HDAC4: variants seen among roughly 807,000 people sequenced by gnomAD.
HDAC4 encodes the protein histone deacetylase 4.
HDAC4 carries 16 observed loss-of-function variants against 135.1 expected under a neutral mutation model. The observed-to-expected ratio is 0.12, with a 90% CI of 0.08 to 0.18. HDAC4 has a LOEUF of 0.18. HDAC4 is among the 10% of genes least tolerant of loss of function. The pLI is 1.00. For missense variants in HDAC4, 1,143 were observed against 1,511.8 expected (o/e 0.76, Z 4.05); for synonymous variants, 685 against 653.4 (o/e 1.05, Z -0.74).
intron 2 of HDAC4, among the ~76,000 whole-genome samples, chr2:239,319,351 A>G (rs2053230768): frequency 6.6e-6 from 1 of 152,244 alleles, no homozygotes. Context: ...GCAAATGATT[A>G]AGAAAACGAA....
At chr2:239,239,730 C>T (rs1295275465) in intron 2 of HDAC4, among the ~76,000 whole-genome samples, 1 of 152,234 alleles carries the variant, frequency 6.6e-6, no homozygotes, top group Non-Finnish European at 1.5e-5. Context: ...ACCCCCAACA[C>T]TGCCATGTTC....
At position 239,053,636 on chromosome 2, in the gene HDAC4, C is replaced by G; in HGVS notation, c.3089-35G>C. 8.1e-6 allele frequency: 13 copies of G among 1,606,216 alleles called. No homozygotes were observed. In the South Asian group the frequency reaches 9.9e-5, roughly 12 times the overall value. On this transcript the variant is annotated intron_variant, in intron 25 of 26. Coordinates refer to ENST00000543185, the MANE Select transcript of HDAC4 (RefSeq NM_001378414.1). ...TGGGGTGAGGAAAGTCGCTCAGTGA[C>G]TACAACTTAGCAGGATGCACTGAGG...
intron 19 of HDAC4, among the ~76,000 whole-genome samples, chr2:239,084,762 A>C (rs1249861556): frequency 7.4e-6 from 1 of 134,744 alleles, no homozygotes; most frequent in Non-Finnish European, 1.6e-5. Flanking sequence ...ACAGACACAC[A>C]CCCCACACAC....
intron 2 of HDAC4, among the ~76,000 whole-genome samples, chr2:239,297,499 G>A (rs1388172793): frequency 1.3e-5 from 2 of 152,258 alleles, no homozygotes; most frequent in South Asian, 2.1e-4. Flanking sequence ...AGACTCTGCG[G>A]CTCCCTGGCT....
intron 13 of HDAC4, among the ~76,000 whole-genome samples, chr2:239,111,939 G>A (rs1236817829): frequency 2.0e-5 from 3 of 152,208 alleles, no homozygotes; most frequent in Non-Finnish European, 1.5e-5. Context: ...TGCCTCCCAG[G>A]ACGGTCTCTC....
intron 3 of HDAC4, among the ~76,000 whole-genome samples, chr2:239,230,073 A>C (rs1311650550): frequency 6.6e-6 from 1 of 152,024 alleles, no homozygotes; most frequent in African/African-American, 2.4e-5. Flanking sequence ...CGGGAATCTT[A>C]CTGCTGTGTC....
In HDAC4 at chr2:239,308,588, G is replaced by C. The variant is rs557116268; in HGVS notation, c.22+44090C>G. 6.6e-6 allele frequency among the ~76,000 whole-genome samples: 1 copy of C among 152,292 alleles called. No homozygotes were observed. The highest frequency in any genetic ancestry group is 2.1e-4 in the South Asian group (1 of 4,828). ...TTCCGGAACCACACTTCGTATCCAG[G>C]TGAGCTCGTTTTTTGTATTTCAAAA... On this transcript the variant is annotated intron_variant, in intron 2 of 26. Coordinates refer to ENST00000543185, the MANE Select transcript of HDAC4 (RefSeq NM_001378414.1). This position sits in a 1 kb window ranked among gnomAD's most constrained non-coding sequence, Gnocchi z 4.2.
In HDAC4 at chr2:239,221,579, G is replaced by A. The variant is rs565745871; in HGVS notation, c.94+15014C>T. ...GGCCTGGACTCAACTGTGTCACCTC[G>A]AGTTGCGCCTCAAAGTGCGCTGAGA... On this transcript the variant is annotated intron_variant, in intron 3 of 26. Transcript: ENST00000543185. 6.6e-5 allele frequency among the ~76,000 whole-genome samples: 10 copies of A among 151,802 alleles called. No individual in the cohort carries two copies. The East Asian group carries it at 7.8e-4, about 12-fold the overall frequency.
intron 2 of HDAC4, among the ~76,000 whole-genome samples, chr2:239,312,990 G>A (rs567062131): frequency 2.0e-5 from 3 of 152,340 alleles, no homozygotes; most frequent in South Asian, 2.1e-4. Context: ...ACTGGCTGCC[G>A]ACGGGAGGCA....
chr2:239,359,429 C>A (rs1412891086), intron 1 of HDAC4, among the ~76,000 whole-genome samples: 1 of 152,232 alleles, frequency 6.6e-6, no homozygotes, highest in Non-Finnish European at 1.5e-5. Context: ...GTGTCATGAA[C>A]AAGAGGGCTT....
At chr2:239,102,720 CACA>C in intron 16 of HDAC4, 53 bp downstream of exon 16, 1 of 1,608,246 alleles carries the variant, frequency 6.2e-7, no homozygotes. Flanking sequence ...GAGCTGGAAA[CACA>C]ACCTCAGGGG....
Position 239,066,756 on chromosome 2 carries a change from G to A in HDAC4, c.2969C>T (p.Ser990Leu), listed in dbSNP as rs1398227277. Residue 990 changes from serine (S) to leucine (L), a missense_variant, in exon 24 of 27, where the codon TCG becomes TTG. By Grantham distance (145) the Ser-to-Leu change is moderately radical. This residue lies in a region of HDAC4 where 189 missense variants were observed against 317.6 expected (regional missense o/e 0.60). Coordinates refer to ENST00000543185, the MANE Select transcript of HDAC4 (RefSeq NM_001378414.1). ...GHDLTAICDASEACVSALLGN... is the reference protein window; with the variant it reads ...GHDLTAICDALEACVSALLGN... Reference sequence around the variant, plus strand: ...CAGCAAGGCAGAAACACATGCTTCCGAGGCGTCGCAAATGGCGGTCAGGTC... The same window carrying A: ...CAGCAAGGCAGAAACACATGCTTCCAAGGCGTCGCAAATGGCGGTCAGGTC... 2 of 1,613,994 alleles carry A rather than the reference G, an allele frequency of 1.2e-6. No homozygotes were observed. Among genetic ancestry groups the A allele is most frequent in the Non-Finnish European group, 8.5e-7 (1 of 1,180,032 alleles).
intron 3 of HDAC4, among the ~76,000 whole-genome samples, chr2:239,216,312 A>G (rs2046633445): frequency 6.6e-6 from 1 of 151,986 alleles, no homozygotes; most frequent in African/African-American, 2.4e-5. Flanking sequence ...ACATCTTCCC[A>G]GAGAAAAAAA....
intron 1 of HDAC4, among the ~76,000 whole-genome samples, chr2:239,395,226 G>A (rs1339855729): frequency 6.6e-6 from 1 of 152,186 alleles, no homozygotes; most frequent in Admixed American, 6.5e-5. Context: ...TAAAACAGAG[G>A]CCAGGATCAG....
At chr2:239,083,485 A>G (rs1456126829) in intron 20 of HDAC4, among the ~76,000 whole-genome samples, 1 of 152,168 alleles carries the variant, frequency 6.6e-6, no homozygotes, top group African/African-American at 2.4e-5. Flanking sequence ...TCATAACCCT[A>G]CCTGACAGGG....
At chr2:239,301,468 TTTC>T (rs1489841697) in intron 2 of HDAC4, among the ~76,000 whole-genome samples, 14,192 of 97,010 alleles carry the variant, frequency 0.15, 683 homozygotes, top group South Asian at 0.2. Flanking sequence ...TGGTGCTTTC[TTTC>T]TTTTTTTTTT....
chr2:239,294,646 G>C (rs1201441140), intron 2 of HDAC4, among the ~76,000 whole-genome samples: 1 of 152,074 alleles, frequency 6.6e-6, no homozygotes, highest in Non-Finnish European at 1.5e-5. Context: ...TCATGGCTGA[G>C]GCTCAGGATA....
rs564846453 is a variant in HDAC4, at chr2:239,119,706, G to A, written c.1534-4396C>T. The stretch of plus-strand genomic sequence containing the variant: ...GCTCAGGGCTGAGGAGGTGTTCAGG[G>A]CCTCAGAGGGCTCCTCACAATGTGG... On this transcript the variant is annotated intron_variant, in intron 12 of 26. Coordinates refer to ENST00000543185, the MANE Select transcript of HDAC4 (RefSeq NM_001378414.1). Among the ~76,000 whole-genome samples the A allele has an allele frequency of 6.0e-4, 91 of 152,308 alleles. 1 individual carries two copies. The highest frequency in any genetic ancestry group is 2.1e-3 in the African/African-American group (86 of 41,568).
chr2:239,296,826 G>A (rs928878577), intron 2 of HDAC4, among the ~76,000 whole-genome samples: 1 of 152,128 alleles, frequency 6.6e-6, no homozygotes, highest in Non-Finnish European at 1.5e-5. Context: ...TTTAGAAAGC[G>A]TGGATTAATG....
Sources: allele counts gnomAD v4.1 joint callset (sites outside exome capture counted in the v4.1 genomes callset), GRCh38; gene constraint gnomAD v4.1.1; regional missense constraint gnomAD v4.1.1; non-coding constraint Gnocchi (gnomAD v3.1); transcripts MANE v1.5; gene names NCBI Gene and HGNC (gene_info 2026-07-23, HGNC 2026-07-21).